GUCY1B1: variants seen among roughly 807,000 people sequenced by gnomAD.
The protein encoded by GUCY1B1 is guanylate cyclase soluble subunit beta-1.
Under a neutral mutation model 71.0 loss-of-function variants are expected in GUCY1B1, and 43 were observed. The observed-to-expected ratio is 0.61, with a 90% CI of 0.47 to 0.78. GUCY1B1 has a LOEUF of 0.78. GUCY1B1 is among the 30% of genes least tolerant of loss of function. The probability of loss-of-function intolerance (pLI) is 0.00; values close to 1 mark genes in which losing one functional copy is unlikely to be tolerated. For synonymous variants in GUCY1B1, 266 were observed against 259.7 expected (o/e 1.02, Z -0.23); for missense variants, 535 against 754.1 (o/e 0.71, Z 3.40).
intron 5 of GUCY1B1, among the ~76,000 whole-genome samples, chr4:155,793,152 T>A (rs895650466): frequency 6.6e-6 from 1 of 152,162 alleles, no homozygotes; most frequent in African/African-American, 2.4e-5. Flanking sequence ...CTCGTCTCAC[T>A]ACAACCTCTG....
intron 2 of GUCY1B1, among the ~76,000 whole-genome samples, chr4:155,773,905 T>C (rs1322384502): frequency 4.6e-5 from 7 of 152,146 alleles, no homozygotes; most frequent in Admixed American, 1.3e-4. Context: ...GCCAGGATGG[T>C]CTTGATCTCC....
chr4:155,759,924 C>T (rs1006133641), intron 2 of GUCY1B1, 64 bp downstream of exon 2: 3 of 1,208,334 alleles, frequency 2.5e-6, no homozygotes, highest in Admixed American at 1.7e-5. Flanking sequence ...CCCCCCGCGC[C>T]TCGCCTGGTC....
At chr4:155,785,226 T>C (rs1194352251) in intron 4 of GUCY1B1, 3 of 830,950 alleles carry the variant, frequency 3.6e-6, no homozygotes, top group Admixed American at 4.2e-5. Flanking sequence ...GGACCTACTC[T>C]CTATATTTTT....
At chr4:155,785,391 C>A in intron 4 of GUCY1B1, 1 of 719,670 alleles carries the variant, frequency 1.4e-6, no homozygotes, top group Non-Finnish European at 2.4e-6. Flanking sequence ...TACTTCTTTG[C>A]AATTGGCCAC....
At chr4:155,804,462 T>G (rs765708698) in intron 11 of GUCY1B1, 131 bp from the exon 12 acceptor site, 14 of 667,710 alleles carry the variant, frequency 2.1e-5, no homozygotes, top group Non-Finnish European at 3.1e-5. Context: ...CAAACCACCA[T>G]GGCACATATA....
At chr4:155,797,646 G>T (rs1334629525) in intron 8 of GUCY1B1, among the ~76,000 whole-genome samples, 1 of 151,458 alleles carries the variant, frequency 6.6e-6, no homozygotes, top group Non-Finnish European at 1.5e-5. Context: ...GCTGAGGCAG[G>T]AGAGTCGCTT....
At chr4:155,759,514 T>A (rs922679060) in intron 1 of GUCY1B1, 6 of 486,260 alleles carry the variant, frequency 1.2e-5, no homozygotes, top group Admixed American at 4.0e-5. Flanking sequence ...CTGCCCCCGA[T>A]GCCCAGCCTC....
At chr4:155,774,223 C>T (rs1737885859) in intron 2 of GUCY1B1, among the ~76,000 whole-genome samples, 1 of 152,140 alleles carries the variant, frequency 6.6e-6, no homozygotes, top group Non-Finnish European at 1.5e-5. Flanking sequence ...CCTCTCCTAC[C>T]CGTTCCCTGA....
intron 4 of GUCY1B1, among the ~76,000 whole-genome samples, chr4:155,789,139 T>C (rs1738990640): frequency 6.6e-6 from 1 of 152,240 alleles, no homozygotes; most frequent in Non-Finnish European, 1.5e-5. Flanking sequence ...GATGATAGCA[T>C]ACTAAAGAAC....
At chr4:155,773,471 T>TGTTTAATAAGCTAAGGATATATTTGAAGA (rs1737827929) in intron 2 of GUCY1B1, among the ~76,000 whole-genome samples, 1 of 152,244 alleles carries the variant, frequency 6.6e-6, no homozygotes, top group African/African-American at 2.4e-5. Flanking sequence ...TGAGCTACTG[T>TGTTTAATAAGCTAAGGATATATTTGAAGA]GTTTAATAAG....
chr4:155,760,005 C>A (rs563986810), intron 2 of GUCY1B1, 145 bp downstream of exon 2: 1 of 604,718 alleles, frequency 1.7e-6, no homozygotes, highest in African/African-American at 1.9e-5. Context: ...CGGCTCGCTG[C>A]AGCTGCGCTC....
At chr4:155,798,425 C>T (rs564915982) in intron 8 of GUCY1B1, among the ~76,000 whole-genome samples, 3 of 152,242 alleles carry the variant, frequency 2.0e-5, no homozygotes, top group South Asian at 4.1e-4. Flanking sequence ...GGGCAGGTCT[C>T]GTATACCTTT....
Position 155,803,701 on chromosome 4 carries a change from C to A in GUCY1B1, c.1491C>A (p.Cys497Ter). ...GCATTCACCATGCACGATCCATCTGCCACCTGGCCTTGGACATGATGGAAA... is the reference window on the plus strand; with the variant it reads ...GCATTCACCATGCACGATCCATCTGACACCTGGCCTTGGACATGATGGAAA... The part of the protein sequence containing the change: ...EPCIHHARSI[C>*]HLALDMMEIA... Residue 497 changes from cysteine to a stop codon, truncating the protein, a stop_gained, in exon 11 of 14, where the codon TGC becomes TGA. Coordinates refer to ENST00000264424, the MANE Select transcript of GUCY1B1 (RefSeq NM_000857.5). LOFTEE classifies it high-confidence loss of function. 6.2e-7 allele frequency: 1 copy of A among 1,603,272 alleles called. No homozygotes were observed. The highest frequency in any genetic ancestry group is 8.5e-7 in the Non-Finnish European group (1 of 1,174,378).
At chr4:155,800,861 T>C (rs1739906091) in intron 9 of GUCY1B1, among the ~76,000 whole-genome samples, 1 of 152,164 alleles carries the variant, frequency 6.6e-6, no homozygotes, top group Non-Finnish European at 1.5e-5. Context: ...TCTAAGACCT[T>C]AGGACTAACG....
chr4:155,770,593 C>A (rs1737629643), intron 2 of GUCY1B1, among the ~76,000 whole-genome samples: 1 of 152,144 alleles, frequency 6.6e-6, no homozygotes, highest in South Asian at 2.1e-4. Flanking sequence ...GTGTATTAAA[C>A]TGCTTCATAC....
intron 4 of GUCY1B1, among the ~76,000 whole-genome samples, chr4:155,788,139 A>T (rs1426502754): frequency 2.0e-5 from 3 of 152,214 alleles, no homozygotes; most frequent in Non-Finnish European, 4.4e-5. Context: ...AGTCCATTGC[A>T]GGTCTTACTG....
intron 4 of GUCY1B1, among the ~76,000 whole-genome samples, chr4:155,778,702 C>T (rs1002322329): frequency 6.6e-6 from 1 of 152,208 alleles, no homozygotes; most frequent in Non-Finnish European, 1.5e-5. Context: ...AAAGCTGCCA[C>T]TTCCAAATGA....
chr4:155,773,978 C>A lies in GUCY1B1; in HGVS notation c.78-990C>A, dbSNP rs541774620. On this transcript the variant is annotated intron_variant, in intron 2 of 13. Transcript: ENST00000264424. ...CTGGGATTACAGGCATGAGCCACCG[C>A]GCCCAGCCCACCAACACTTCTTACC... 1.1e-4 allele frequency among the ~76,000 whole-genome samples: 16 copies of A among 152,304 alleles called. No homozygotes were observed. In the South Asian group the frequency reaches 3.3e-3, roughly 32 times the overall value.
chr4:155,760,582 A>ATGAC (rs1170990094), intron 2 of GUCY1B1, among the ~76,000 whole-genome samples: 5 of 152,132 alleles, frequency 3.3e-5, no homozygotes, highest in African/African-American at 9.7e-5. Flanking sequence ...ACCTGTTGGA[A>ATGAC]TGACTGATGG....
Sources: allele counts gnomAD v4.1 joint callset (sites outside exome capture counted in the v4.1 genomes callset), GRCh38; gene constraint gnomAD v4.1.1; transcripts MANE v1.5; gene names NCBI Gene and HGNC (gene_info 2026-07-23, HGNC 2026-07-21).